SLC24A3: variants seen among roughly 807,000 people sequenced by gnomAD.
SLC24A3 encodes sodium/potassium/calcium exchanger 3.
SLC24A3 carries 28 observed loss-of-function variants against 75.8 expected under a neutral mutation model. That is an observed-to-expected ratio of 0.37 (90% CI 0.27 to 0.51). SLC24A3 has a LOEUF of 0.51. Among genes scored for constraint, SLC24A3 ranks in the 20% least tolerant of loss-of-function variants. The probability of loss-of-function intolerance (pLI) is 0.94; values close to 1 mark genes in which losing one functional copy is unlikely to be tolerated. For missense variants in SLC24A3, 663 were observed against 847.8 expected (o/e 0.78, Z 2.71); for synonymous variants, 372 against 334.1 (o/e 1.11, Z -1.24).
intron 2 of SLC24A3, among the ~76,000 whole-genome samples, chr20:19,512,367 C>T (rs991398706): frequency 6.6e-6 from 1 of 152,156 alleles, no homozygotes; most frequent in African/African-American, 2.4e-5. Context: ...TGGACTGTCC[C>T]GAGCCAGCAT....
chr20:19,556,408 C>CT lies in SLC24A3; in HGVS notation c.349-23592_349-23591insT, dbSNP rs377393729. ...TATTAAATTGTCCTCTCTCCCACCC[C>CT]ATCGTCCAAATTAGTAGAGAATTTA... is the stretch of plus-strand genomic sequence containing the variant. On this transcript the variant is annotated intron_variant, in intron 3 of 16. Coordinates refer to ENST00000328041, the MANE Select transcript of SLC24A3 (RefSeq NM_020689.4). 4.7e-4 allele frequency among the ~76,000 whole-genome samples: 71 copies of CT among 152,200 alleles called. No homozygotes were observed. In the Middle Eastern group the frequency reaches 0.01, roughly 22 times the overall value.
At chr20:19,463,027 T>C (rs1317589125) in intron 2 of SLC24A3, among the ~76,000 whole-genome samples, 1 of 152,204 alleles carries the variant, frequency 6.6e-6, no homozygotes, top group Non-Finnish European at 1.5e-5. Context: ...GGTCTGGTCC[T>C]GCCCACTCTT....
chr20:19,338,064 A>T (rs1055051663), intron 2 of SLC24A3, among the ~76,000 whole-genome samples: 1 of 152,226 alleles, frequency 6.6e-6, no homozygotes, highest in Non-Finnish European at 1.5e-5. Context: ...GGATGAATGG[A>T]GAACTGGGAA....
chr20:19,309,329 G>C (rs772951262), intron 2 of SLC24A3, among the ~76,000 whole-genome samples: 2 of 152,176 alleles, frequency 1.3e-5, no homozygotes, highest in Non-Finnish European at 2.9e-5. Context: ...ATCTGTGCTT[G>C]ACCTGATGAC....
intron 2 of SLC24A3, among the ~76,000 whole-genome samples, chr20:19,428,670 A>C (rs1987052952): frequency 1.3e-5 from 2 of 152,224 alleles, no homozygotes; most frequent in South Asian, 4.1e-4. Flanking sequence ...GGGAGGCAGA[A>C]GAGAAGCAGC....
At chr20:19,469,659 G>C (rs776676848) in intron 2 of SLC24A3, among the ~76,000 whole-genome samples, 1 of 152,174 alleles carries the variant, frequency 6.6e-6, no homozygotes, top group Non-Finnish European at 1.5e-5. Flanking sequence ...CTCCACCTCA[G>C]CTCACTGATT....
At chr20:19,635,643 T>A (rs2031991198) in intron 6 of SLC24A3, among the ~76,000 whole-genome samples, 1 of 152,218 alleles carries the variant, frequency 6.6e-6, no homozygotes, top group South Asian at 2.1e-4. Context: ...TGACTGGGGC[T>A]GGAATCATCT....
intron 2 of SLC24A3, among the ~76,000 whole-genome samples, chr20:19,314,302 TTTTATTTTA>T (rs1984529490): frequency 6.7e-6 from 1 of 148,892 alleles, no homozygotes; most frequent in African/African-American, 2.5e-5. Flanking sequence ...TTTTATTTTA[TTTTATTTTA>T]TTTTATTTTA....
chr20:19,443,968 C>T (rs531608282), intron 2 of SLC24A3, among the ~76,000 whole-genome samples: 3 of 152,232 alleles, frequency 2.0e-5, no homozygotes, highest in South Asian at 2.1e-4. Context: ...TTAATGTTAC[C>T]GTAGGCTTTT....
At chr20:19,630,511 G>A (rs1461669301) in intron 6 of SLC24A3, among the ~76,000 whole-genome samples, 1 of 152,102 alleles carries the variant, frequency 6.6e-6, no homozygotes, top group East Asian at 1.9e-4. Flanking sequence ...AACAAGTTAG[G>A]ATCAAGGAGA....
intron 15 of SLC24A3, among the ~76,000 whole-genome samples, chr20:19,708,095 G>A (rs2032949226): frequency 6.6e-6 from 1 of 151,980 alleles, no homozygotes; most frequent in Admixed American, 6.6e-5. Context: ...GAAGAAAGGG[G>A]GCCACACAGC....
chr20:19,493,773 C>T (rs1988239547), intron 2 of SLC24A3, among the ~76,000 whole-genome samples: 1 of 152,134 alleles, frequency 6.6e-6, no homozygotes, highest in Admixed American at 6.5e-5. Context: ...AGCCAATGGC[C>T]AGTTCATCCC....
At chr20:19,465,381 A>AT (rs5840845) in intron 2 of SLC24A3, among the ~76,000 whole-genome samples, 11,778 of 143,046 alleles carry the variant, frequency 0.082, 933 homozygotes, top group East Asian at 0.32. Context: ...GGGCTGGAGA[A>AT]TTTTTTTTTT....
At chr20:19,460,441 A>T (rs1339938380) in intron 2 of SLC24A3, among the ~76,000 whole-genome samples, 1 of 112,498 alleles carries the variant, frequency 8.9e-6, no homozygotes, top group Non-Finnish European at 2.2e-5. Context: ...TGTGGGCAGG[A>T]TTCTCTCACA....
intron 2 of SLC24A3, among the ~76,000 whole-genome samples, chr20:19,378,318 A>G (rs1986122590): frequency 6.6e-6 from 1 of 152,134 alleles, no homozygotes; most frequent in Admixed American, 6.5e-5. Context: ...TATCCAGGCC[A>G]CTGTAAAGAG....
intron 7 of SLC24A3, among the ~76,000 whole-genome samples, chr20:19,655,123 ATTCCTCCAGAGCCCAC>A (rs2032250815): frequency 6.6e-6 from 1 of 152,260 alleles, no homozygotes; most frequent in African/African-American, 2.4e-5. Context: ...TGTCCACTGC[ATTCCTCCAGAGCCCAC>A]TTCAGCTGAG....
chr20:19,216,439 T>C (rs901659887), intron 1 of SLC24A3, among the ~76,000 whole-genome samples: 5 of 151,914 alleles, frequency 3.3e-5, no homozygotes, highest in African/African-American at 1.2e-4. Flanking sequence ...TAAGACCCCA[T>C]CTCTTAAAAA....
At chr20:19,397,778 A>G (rs1458576049) in intron 2 of SLC24A3, among the ~76,000 whole-genome samples, 3 of 151,680 alleles carry the variant, frequency 2.0e-5, no homozygotes, top group African/African-American at 7.3e-5. Context: ...CCAAGAAATA[A>G]CATAATTTGG....
chr20:19,213,955 C>CA (rs1447008965), intron 1 of SLC24A3, among the ~76,000 whole-genome samples: 1 of 152,078 alleles, frequency 6.6e-6, no homozygotes, highest in Non-Finnish European at 1.5e-5. Flanking sequence ...CAAAACAAAA[C>CA]AAACAAACAA....
Sources: gnomAD v4.1 joint callset for allele counts (sites outside exome capture counted in the v4.1 genomes callset) on GRCh38, gnomAD v4.1.1 for gene constraint, MANE v1.5 for transcripts, NCBI Gene and HGNC (gene_info 2026-07-23, HGNC 2026-07-21) for gene names.